EPB41: variants seen among roughly 807,000 people sequenced by gnomAD.
The protein encoded by EPB41 is protein 4.1.
EPB41 carries 65 observed loss-of-function variants against 108.0 expected under a neutral mutation model. The ratio of observed to expected loss-of-function variants is 0.60; its 90% confidence interval spans 0.49 to 0.74. EPB41 has a LOEUF of 0.74. Ranked by LOEUF, EPB41 falls within the 30% of genes least tolerant of loss-of-function variation. EPB41 has a pLI of 0.00. For synonymous variants in EPB41, 336 were observed against 358.9 expected (o/e 0.94, Z 0.72); for missense variants, 875 against 1,037.0 (o/e 0.84, Z 2.15).
intron 16 of EPB41, among the ~76,000 whole-genome samples, chr1:29,066,900 C>T (rs1279231715): frequency 1.3e-5 from 2 of 151,634 alleles, no homozygotes; most frequent in Middle Eastern, 3.4e-3. Context: ...GTCTCAAACT[C>T]CTGACCTCAG....
intron 2 of EPB41, among the ~76,000 whole-genome samples, chr1:28,991,906 GAGTT>G (rs1303069536): frequency 6.6e-6 from 1 of 152,086 alleles, no homozygotes; most frequent in Non-Finnish European, 1.5e-5. Flanking sequence ...TATGAGGATT[GAGTT>G]AGTTCACATA....
upstream of EPB41, among the ~76,000 whole-genome samples, chr1:28,913,052 G>A (rs1246143353): frequency 6.6e-6 from 1 of 152,116 alleles, no homozygotes; most frequent in Non-Finnish European, 1.5e-5. Flanking sequence ...CTAGCTCACT[G>A]TGGCCTTGAA....
At chr1:28,906,412 C>CT (rs1205152691) in intron 1 of EPB41, among the ~76,000 whole-genome samples, 1 of 152,202 alleles carries the variant, frequency 6.6e-6, no homozygotes, top group African/African-American at 2.4e-5. Flanking sequence ...GGAAAACCCT[C>CT]TACGCCTTGA....
chr1:28,999,986 C>T (rs1165706344), intron 4 of EPB41, among the ~76,000 whole-genome samples: 1 of 152,122 alleles, frequency 6.6e-6, no homozygotes, highest in Non-Finnish European at 1.5e-5. Context: ...GACAGGGCCT[C>T]ACTATGTTGC....
In EPB41 at chr1:28,988,787, A is replaced by G. The variant is rs187036469; in HGVS notation, c.468+882A>G. On this transcript the variant is annotated intron_variant, in intron 2 of 20. Transcript: ENST00000343067. ...GGCTAATCTCAAACTCCTGGGCTCA[A>G]GTGATCCTCCCACCTCAGCCTCCTG... 4.5e-3 allele frequency among the ~76,000 whole-genome samples: 691 copies of G among 152,256 alleles called. 2 individuals are homozygous for G. Among genetic ancestry groups the G allele is most frequent in the Non-Finnish European group, 6.2e-3 (420 of 68,016 alleles).
At chr1:29,059,182 T>C (rs1357422862) in intron 14 of EPB41, among the ~76,000 whole-genome samples, 1 of 151,484 alleles carries the variant, frequency 6.6e-6, no homozygotes, top group Non-Finnish European at 1.5e-5. Flanking sequence ...GGCTGAGGCA[T>C]GAGAATCACT....
intron 1 of EPB41, among the ~76,000 whole-genome samples, chr1:28,972,562 A>G (rs776589624): frequency 3.3e-5 from 5 of 151,972 alleles, no homozygotes; most frequent in Non-Finnish European, 7.4e-5. Context: ...AAACAGCATG[A>G]TCATGCTCAG....
At chr1:28,988,198 T>C (rs929092984) in intron 2 of EPB41, among the ~76,000 whole-genome samples, 1 of 152,158 alleles carries the variant, frequency 6.6e-6, no homozygotes, top group Non-Finnish European at 1.5e-5. Flanking sequence ...AGGCGGAGGC[T>C]GCAGTGAGCT....
intron 16 of EPB41, among the ~76,000 whole-genome samples, chr1:29,077,936 G>T (rs1654765187): frequency 6.6e-6 from 1 of 152,120 alleles, no homozygotes; most frequent in Admixed American, 6.5e-5. Context: ...AGAAAAATAA[G>T]GAGAGGGTGG....
At chr1:29,003,433 C>CT (rs1367420389) in intron 4 of EPB41, among the ~76,000 whole-genome samples, 3 of 152,130 alleles carry the variant, frequency 2.0e-5, no homozygotes, top group Non-Finnish European at 4.4e-5. Flanking sequence ...TCTTCTTTAG[C>CT]TTTTTACTCC....
Position 28,975,094 on chromosome 1 carries a change from A to AT in EPB41, c.-7-12328dup, listed in dbSNP as rs112029612. On this transcript the variant is annotated intron_variant, in intron 1 of 20. Coordinates refer to ENST00000343067, the MANE Select transcript of EPB41 (RefSeq NM_001376013.1). The stretch of plus-strand genomic sequence containing the variant: ...AGGCATGAGCCACCGTGCCTGGCCA[A>AT]TTTTTTTTTGTATTTTTAGTAGAGA... Among the ~76,000 whole-genome samples the AT allele has an allele frequency of 8.4e-3, 1,206 of 143,838 alleles. 11 individuals are homozygous for AT. Among genetic ancestry groups the AT allele is most frequent in the African/African-American group, 0.029 (1,123 of 38,574 alleles). 94.4% of individuals were successfully genotyped at this position (143,838 alleles called of 152,430 possible).
chr1:29,018,209 C>A lies in EPB41; in HGVS notation c.906-15C>A. The stretch of plus-strand genomic sequence containing the variant: ...TTGTTGTTGCTGACATAACATTTTT[C>A]TCTTTTGGCTGTAGATATTATTTAT... On this transcript the variant is annotated splice_polypyrimidine_tract_variant and intron_variant, in intron 6 of 20. Transcript: ENST00000343067. The surrounding 1 kb of genome is among the most constrained non-coding windows in gnomAD (Gnocchi z 4.4). 6.2e-7 allele frequency: 1 copy of A among 1,611,770 alleles called. No homozygotes were observed.
intron 1 of EPB41, among the ~76,000 whole-genome samples, chr1:28,970,749 T>G (rs1395315317): frequency 6.6e-6 from 1 of 152,228 alleles, no homozygotes; most frequent in Non-Finnish European, 1.5e-5. Flanking sequence ...AATGGAAACT[T>G]TAGGCTTATG....
At chr1:28,969,084 CTTTTT>C (rs35558417) in intron 1 of EPB41, among the ~76,000 whole-genome samples, 26 of 134,650 alleles carry the variant, frequency 1.9e-4, no homozygotes, top group African/African-American at 6.8e-4. Context: ...TCATGCCGTA[CTTTTT>C]TTTTTTTTTT....
chr1:28,888,758 G>C (rs1256574941), intron 1 of EPB41, among the ~76,000 whole-genome samples: 7 of 152,182 alleles, frequency 4.6e-5, no homozygotes, highest in Non-Finnish European at 1.0e-4. Context: ...CTCCCGAGTA[G>C]CTGGGATTAC....
At chr1:29,111,582 G>C (rs1669183472) in intron 18 of EPB41, among the ~76,000 whole-genome samples, 1 of 152,026 alleles carries the variant, frequency 6.6e-6, no homozygotes, top group Non-Finnish European at 1.5e-5. Flanking sequence ...GAACCCAGTA[G>C]ACAGAGCTTG....
chr1:29,060,426 A>G lies in EPB41; in HGVS notation c.1949A>G (p.Lys650Arg). 1 of 1,611,122 alleles carries G rather than the reference A, an allele frequency of 6.2e-7. No individual in the cohort carries two copies. The highest frequency in any genetic ancestry group is 8.5e-7 in the Non-Finnish European group (1 of 1,177,450). The change falls in exon 15 of 21, where the codon AAG becomes AGG. Residue 650 changes from lysine (K) to arginine (R), a missense_variant. By Grantham distance (26) the Lys-to-Arg change is conservative. Transcript: ENST00000343067. ...TCCCCCCTTTCATTTTCACAGAAAA[A>G]GAGAGAAAGACTAGATGGTGAAAAC... is the stretch of plus-strand genomic sequence containing the variant. Reference protein sequence around the residue: ...TEDLIRMRKKKRERLDGENIY... With the variant: ...TEDLIRMRKKRRERLDGENIY...
chr1:29,109,529 A>G lies in EPB41; in HGVS notation c.2415+92A>G, dbSNP rs909587895. ...CAAGAAGGACCCTAGTCCATAAGCA[A>G]ATATTTTCAGCTCCATCCCTAGTAA... On this transcript the variant is annotated intron_variant, in intron 18 of 20. Coordinates refer to ENST00000343067, the MANE Select transcript of EPB41 (RefSeq NM_001376013.1). The G allele has an allele frequency of 1.6e-5, 17 of 1,054,868 alleles. No individual in the cohort carries two copies. The East Asian group carries it at 3.1e-4, about 19-fold the overall frequency. The allele number at this position is 1,054,868 out of a possible 1,614,324, so 65.3% of individuals were successfully genotyped here. A position where few individuals can be genotyped will look rare whatever the true frequency, so the allele number is the denominator to read the frequency against.
chr1:29,119,524 T>TA lies in EPB41; in HGVS notation c.*2712_*2713insA, dbSNP rs1414454922. The TA allele has an allele frequency of 2.6e-5, 4 of 152,222 alleles. No homozygotes were observed. Among genetic ancestry groups the TA allele is most frequent in the African/African-American group, 9.7e-5 (4 of 41,436 alleles). The allele number at this position is 152,222 out of a possible 1,614,324, so 9.4% of individuals were successfully genotyped here. A position where few individuals can be genotyped will look rare whatever the true frequency, so the allele number is the denominator to read the frequency against. ...CCCACCCACAAAGCAAGACCTGTATTTATAAGCCGAGGGCTCAGGGAGCCT... is the reference window on the plus strand; with the variant it reads ...CCCACCCACAAAGCAAGACCTGTATTATATAAGCCGAGGGCTCAGGGAGCCT... On this transcript the variant is annotated 3_prime_UTR_variant, in exon 21 of 21. Coordinates refer to ENST00000343067, the MANE Select transcript of EPB41 (RefSeq NM_001376013.1).
Sources: allele counts gnomAD v4.1 joint callset (sites outside exome capture counted in the v4.1 genomes callset), GRCh38; gene constraint gnomAD v4.1.1; non-coding constraint Gnocchi (gnomAD v3.1); transcripts MANE v1.5; gene names NCBI Gene and HGNC (gene_info 2026-07-23, HGNC 2026-07-21).